Variants in KATNIP observed in about 807,000 individuals in gnomAD.
The protein encoded by KATNIP is katanin interacting protein.
KATNIP carries 126 observed loss-of-function variants against 174.0 expected under a neutral mutation model. That is an observed-to-expected ratio of 0.72 (90% CI 0.63 to 0.84). The LOEUF is 0.84. KATNIP is among the 40% of genes least tolerant of loss of function. KATNIP has a pLI of 0.00. For missense variants in KATNIP, 1,958 were observed against 2,109.7 expected (o/e 0.93, Z 1.41); for synonymous variants, 810 against 835.7 (o/e 0.97, Z 0.53).
At chr16:27,573,815 C>A in intron 1 of KATNIP, 86 bp from the exon 2 acceptor site, 10 of 1,196,406 alleles carry the variant, frequency 8.4e-6, no homozygotes, top group Middle Eastern at 1.9e-4. Context: ...CCCATCTATT[C>A]AGTTTGCAAA....
At chr16:27,630,995 CA>C in intron 4 of KATNIP, 69 bp from the exon 5 acceptor site, 1 of 1,289,072 alleles carries the variant, frequency 7.8e-7, no homozygotes, top group Non-Finnish European at 1.1e-6. Context: ...ACATGAGTTA[CA>C]AACCAACCCA....
chr16:27,660,597 G>A (rs2077442833), intron 6 of KATNIP, among the ~76,000 whole-genome samples: 1 of 149,886 alleles, frequency 6.7e-6, no homozygotes, highest in Non-Finnish European at 1.5e-5. Context: ...GGGAGTAGAC[G>A]ATACATAATA....
At chr16:27,744,530 GC>G (rs2081215110) in intron 15 of KATNIP, among the ~76,000 whole-genome samples, 1 of 152,082 alleles carries the variant, frequency 6.6e-6, no homozygotes, top group South Asian at 2.1e-4. Flanking sequence ...GCTGCAGTCA[GC>G]CATGATCACA....
intron 4 of KATNIP, 55 bp downstream of exon 4, chr16:27,628,885 G>A: frequency 6.3e-7 from 1 of 1,578,842 alleles, no homozygotes; most frequent in Non-Finnish European, 8.7e-7. Flanking sequence ...AATTAATTAG[G>A]GGCAGGGTGC....
rs570997825 is a variant in KATNIP at position 27,721,825 on chromosome 16, A to G, written c.1743+130A>G. ...CCCTGCTGGCCTCGTGTGTGCAGCA[A>G]GAGCCTGCTGGTAGGTTCACACTGC... On this transcript the variant is annotated intron_variant, in intron 14 of 27. Coordinates refer to ENST00000261588, the MANE Select transcript of KATNIP (RefSeq NM_015202.5). 111 of 991,652 alleles carry G rather than the reference A, an allele frequency of 1.1e-4. 1 individual carries two copies. In the East Asian group the frequency reaches 1.4e-3, roughly 12 times the overall value. 61.4% of individuals were successfully genotyped at this position (991,652 alleles called of 1,614,324 possible). A position where few individuals can be genotyped will look rare whatever the true frequency, so the allele number is the denominator to read the frequency against.
intron 1 of KATNIP, among the ~76,000 whole-genome samples, chr16:27,551,131 A>G (rs1188480437): frequency 6.6e-6 from 1 of 152,200 alleles, no homozygotes; most frequent in African/African-American, 2.4e-5. Context: ...GACAATTGGA[A>G]GCAAATGGAA....
At chr16:27,751,573 T>A (rs1430613211) in intron 16 of KATNIP, 146 bp from the exon 17 acceptor site, 1 of 671,088 alleles carries the variant, frequency 1.5e-6, no homozygotes, top group Non-Finnish European at 2.6e-6. Context: ...TGCAAATCTG[T>A]GAAGACTAAT....
intron 9 of KATNIP, 99 bp from the exon 10 acceptor site, chr16:27,699,435 A>G: frequency 6.5e-7 from 1 of 1,542,186 alleles, no homozygotes; most frequent in East Asian, 2.4e-5. Context: ...TGGTAGCTTG[A>G]GAAGGTCCCT....
chr16:27,609,832 C>T (rs1308210626), intron 2 of KATNIP, among the ~76,000 whole-genome samples: 1 of 151,968 alleles, frequency 6.6e-6, no homozygotes, highest in South Asian at 2.1e-4. Flanking sequence ...GCTGGGATTA[C>T]AAGCATGCGC....
intron 3 of KATNIP, among the ~76,000 whole-genome samples, chr16:27,623,077 C>G (rs559323348): frequency 6.6e-6 from 1 of 152,286 alleles, no homozygotes; most frequent in African/African-American, 2.4e-5. Context: ...CCCTCCCTGT[C>G]TTCACCCTTC....
intron 8 of KATNIP, among the ~76,000 whole-genome samples, chr16:27,686,177 C>G (rs187382028): frequency 1.6e-4 from 24 of 152,308 alleles, no homozygotes; most frequent in African/African-American, 5.5e-4. Context: ...AAAAGTGCAG[C>G]AGAATCACAA....
At chr16:27,614,864 G>C (rs2075996049) in intron 2 of KATNIP, among the ~76,000 whole-genome samples, 1 of 152,194 alleles carries the variant, frequency 6.6e-6, no homozygotes, top group African/African-American at 2.4e-5. Flanking sequence ...GCTCTACAGG[G>C]AACAGGAGGA....
At chr16:27,681,939 A>G (rs528029381) in intron 8 of KATNIP, among the ~76,000 whole-genome samples, 7 of 152,176 alleles carry the variant, frequency 4.6e-5, no homozygotes, top group Non-Finnish European at 8.8e-5. Context: ...GAATATGTTA[A>G]TGTCATCCAA....
chr16:27,598,078 A>C (rs2075395588), intron 2 of KATNIP, among the ~76,000 whole-genome samples: 1 of 152,110 alleles, frequency 6.6e-6, no homozygotes, highest in African/African-American at 2.4e-5. Context: ...AAATAACAAA[A>C]GTTAGCTGGG....
chr16:27,750,196 A>G lies in KATNIP; in HGVS notation c.3236A>G (p.Asn1079Ser), dbSNP rs560393620. 7.4e-6 allele frequency: 12 copies of G among 1,614,108 alleles called. No homozygotes were observed. The highest frequency in any genetic ancestry group is 1.6e-4 in the Middle Eastern group (1 of 6,062). Residue 1079 changes from asparagine to serine, a missense_variant, in exon 16 of 28, where the codon AAT becomes AGT. Asn to Ser is a conservative substitution (Grantham distance 46). Around this residue, in one of 3 missense-constraint regions of KATNIP, gnomAD observed 1,557 missense variants for 1,617.8 expected, o/e 0.96. Coordinates refer to ENST00000261588, the MANE Select transcript of KATNIP (RefSeq NM_015202.5). ...GCCCTGATCAGAATTTGGAACTACA[A>G]TAAATCTCGGATACATTCCTTCCGA... The part of the protein sequence containing the change: ...HVALIRIWNY[N>S]KSRIHSFRGV...
chr16:27,585,582 G>A (rs2090866139), intron 2 of KATNIP, among the ~76,000 whole-genome samples: 2 of 152,188 alleles, frequency 1.3e-5, no homozygotes, highest in South Asian at 2.1e-4. Flanking sequence ...GGAGTCCTGT[G>A]CAGCCAGAAA....
At chr16:27,721,893 TGGGAGGTGGTATCAGG>T (rs1320116937) in intron 14 of KATNIP, among the ~76,000 whole-genome samples, 198 bp downstream of exon 14, 1 of 152,156 alleles carries the variant, frequency 6.6e-6, no homozygotes, top group East Asian at 1.9e-4. Flanking sequence ...CTGCTGGTGT[TGGGAGGTGGTATCAGG>T]CCACCCTTGG....
intron 5 of KATNIP, among the ~76,000 whole-genome samples, chr16:27,634,840 C>T (rs1330569937): frequency 6.6e-6 from 1 of 152,076 alleles, no homozygotes; most frequent in African/African-American, 2.4e-5. Flanking sequence ...TACACATAGA[C>T]CCTGGGTTTC....
chr16:27,743,930 G>A (rs933188022), intron 15 of KATNIP, among the ~76,000 whole-genome samples: 6 of 152,114 alleles, frequency 3.9e-5, no homozygotes, highest in Admixed American at 3.3e-4. Context: ...GAGTTCCAAG[G>A]CAATGGTGTT....
Sources: gnomAD v4.1 joint callset for allele counts (sites outside exome capture counted in the v4.1 genomes callset) on GRCh38, gnomAD v4.1.1 for gene constraint, gnomAD v4.1.1 regional missense constraint, MANE v1.5 for transcripts, NCBI Gene and HGNC (gene_info 2026-07-23, HGNC 2026-07-21) for gene names.